TSC1: variants seen among roughly 807,000 people sequenced by gnomAD.
TSC1 encodes TSC complex subunit 1.
In TSC1, 20 loss-of-function variants were observed where a neutral mutation model predicts 124.3. The ratio of observed to expected loss-of-function variants is 0.16; its 90% CI spans 0.11 to 0.23. The LOEUF is 0.23. TSC1 is among the 10% of genes least tolerant of loss of function. The probability of loss-of-function intolerance (pLI) is 1.00; values close to 1 mark genes in which losing one functional copy is unlikely to be tolerated. For synonymous variants in TSC1, 493 were observed against 539.1 expected, an observed-to-expected ratio of 0.91 and a Z score of 1.19; for missense variants, 1,124 against 1,448.5, an observed-to-expected ratio of 0.78 and a Z score of 3.64.
At chr9:132,915,616 GGTTA>G (rs1386756728) in intron 8 of TSC1, among the ~76,000 whole-genome samples, 2 of 152,134 alleles carry the variant, frequency 1.3e-5, no homozygotes, top group Non-Finnish European at 1.5e-5. Context: ...TTTCTAAGGT[GGTTA>G]GTAACTCCAT....
intron 12 of TSC1, among the ~76,000 whole-genome samples, chr9:132,908,245 T>TA (rs1258433056): frequency 6.6e-6 from 1 of 152,194 alleles, no homozygotes; most frequent in Non-Finnish European, 1.5e-5. Context: ...ATATTCTTAT[T>TA]AAAAAACTAT....
In TSC1 at chr9:132,921,071, T is replaced by A. The variant is rs1333433250; in HGVS notation, c.737+292A>T. ...TGCAGTCCCCTTGTTTTTAGCCATATGCTTCACCTCCTGCATCGCCCCATC... is the reference window on the plus strand; with the variant it reads ...TGCAGTCCCCTTGTTTTTAGCCATAAGCTTCACCTCCTGCATCGCCCCATC... On this transcript the variant is annotated intron_variant, in intron 8 of 22. Transcript: ENST00000298552. The surrounding 1 kb of genome is among the most constrained non-coding windows in gnomAD (Gnocchi z 4.3). Among the ~76,000 whole-genome samples, 1 of 152,126 alleles carries A rather than the reference T, an allele frequency of 6.6e-6. No individual in the cohort carries two copies. The highest frequency in any genetic ancestry group is 6.5e-5 in the Admixed American group (1 of 15,282).
chr9:132,902,535 C>A lies in TSC1; in HGVS notation c.2391+70G>T, dbSNP rs1845436342. On this transcript the variant is annotated intron_variant, in intron 18 of 22. Transcript: ENST00000298552. The surrounding 1 kb of genome is among the most constrained non-coding windows in gnomAD (Gnocchi z 5.2). ...AACAAGTCAAGGACACCCAGGGAAACTGACTGCCTCCCTCCCCACTGCTCT... is the reference window on the plus strand; with the variant it reads ...AACAAGTCAAGGACACCCAGGGAAAATGACTGCCTCCCTCCCCACTGCTCT... 5 of 1,586,824 alleles carry A rather than the reference C, an allele frequency of 3.2e-6. No homozygotes were observed. Among genetic ancestry groups the A allele is most frequent in the Non-Finnish European group, 4.3e-6 (5 of 1,157,308 alleles).
rs886063565 is a variant in TSC1 at position 132,891,720 on chromosome 9, C to T, written c.*4515G>A. ...TATGTCTTAGCAAAATCTGTTCCTC[C>T]GTAATATATTTGTGGTCCATAGAAG... On this transcript the variant is annotated 3_prime_UTR_variant, in exon 23 of 23. Transcript: ENST00000298552. The T allele has an allele frequency of 3.0e-5, 7 of 233,524 alleles. No individual in the cohort carries two copies. The highest frequency in any genetic ancestry group is 1.7e-4 in the Admixed American group (3 of 17,772). 14.5% of individuals were successfully genotyped at this position (233,524 alleles called of 1,614,324 possible). A position where few individuals can be genotyped will look rare whatever the true frequency, so the allele number is the denominator to read the frequency against.
intron 3 of TSC1, 137 bp downstream of exon 3, chr9:132,928,630 C>T: frequency 1.9e-6 from 2 of 1,070,394 alleles, no homozygotes; most frequent in Non-Finnish European, 2.7e-6. Flanking sequence ...GTTTAAAACA[C>T]ATATAGATAC....
chr9:132,939,581 A>G, intron 1 of TSC1, among the ~76,000 whole-genome samples: 1 of 152,248 alleles, frequency 6.6e-6, no homozygotes, highest in East Asian at 1.9e-4. Context: ...TATCTCTTCA[A>G]TAAATAATGC....
chr9:132,933,971 C>A (rs1269817681), intron 2 of TSC1, among the ~76,000 whole-genome samples: 1 of 152,134 alleles, frequency 6.6e-6, no homozygotes, highest in East Asian at 1.9e-4. Context: ...AAATCAAACT[C>A]AGAAAACTTT....
chr9:132,906,861 G>T lies in TSC1; in HGVS notation c.1334-26C>A, dbSNP rs760180570. 1 of 1,583,636 alleles carries T rather than the reference G, an allele frequency of 6.3e-7. No homozygotes were observed. Among genetic ancestry groups the T allele is most frequent in the South Asian group, 1.1e-5 (1 of 90,362 alleles). ...CTGAAGAGAAACAAAGACAACTGAA[G>T]TCAAAGAAATACAGTGTAATCCCTG... On this transcript the variant is annotated intron_variant, in intron 13 of 22. Transcript: ENST00000298552. This position sits in a 1 kb window ranked among gnomAD's most constrained non-coding sequence, Gnocchi z 4.1.
At chr9:132,898,481 G>A (rs144464626) in intron 20 of TSC1, among the ~76,000 whole-genome samples, 429 of 152,284 alleles carry the variant, frequency 2.8e-3, no homozygotes, top group Non-Finnish European at 4.1e-3. Flanking sequence ...TCACGAAGGC[G>A]CCCTGCCTTG....
chr9:132,924,225 T>C (rs546397598), intron 5 of TSC1, among the ~76,000 whole-genome samples: 1 of 152,366 alleles, frequency 6.6e-6, no homozygotes, highest in African/African-American at 2.4e-5. Flanking sequence ...CATGAATGTT[T>C]GCCAGGTAGA....
chr9:132,941,958 T>C (rs1339924372), intron 1 of TSC1: 1 of 152,240 alleles, frequency 6.6e-6, no homozygotes. Flanking sequence ...GGTCAAAAGC[T>C]ATCTGACTCT....
chr9:132,936,730 A>G (rs1588378153), intron 1 of TSC1, among the ~76,000 whole-genome samples: 1 of 152,324 alleles, frequency 6.6e-6, no homozygotes, highest in East Asian at 1.9e-4. Flanking sequence ...GGCACCTGGC[A>G]CACAAGAGGC....
chr9:132,914,042 G>A (rs934476536), intron 8 of TSC1, among the ~76,000 whole-genome samples: 4 of 151,312 alleles, frequency 2.6e-5, no homozygotes, highest in Non-Finnish European at 4.4e-5. Flanking sequence ...GGGATTCCAG[G>A]TGCCCGCCAC....
In TSC1 at chr9:132,891,857, T is replaced by C; in HGVS notation, c.*4378A>G. On this transcript the variant is annotated 3_prime_UTR_variant, in exon 23 of 23. Transcript: ENST00000298552. ...GCACCATACCCTCCTGTCCAAACAC[T>C]GTAAGAGGTGGGGAAAGGGAGGGAA... The C allele has an allele frequency of 4.3e-6, 1 of 233,594 alleles. No individual in the cohort carries two copies. Among genetic ancestry groups the C allele is most frequent in the East Asian group, 6.0e-5 (1 of 16,580 alleles). 14.5% of individuals were successfully genotyped at this position (233,594 alleles called of 1,614,324 possible). A position where few individuals can be genotyped will look rare whatever the true frequency, so the allele number is the denominator to read the frequency against.
Position 132,896,580 on chromosome 9 carries a change from T to C in TSC1, c.3150A>G (p.Lys1050=), listed in dbSNP as rs1588287298. 1 of 1,613,000 alleles carries C rather than the reference T, an allele frequency of 6.2e-7. No individual in the cohort carries two copies. Among genetic ancestry groups the C allele is most frequent in the South Asian group, 1.1e-5 (1 of 91,002 alleles). The stretch of plus-strand genomic sequence containing the variant: ...ATGGGCCTGCCCTCTGGTGTGGGGG[T>C]TTCTCTGGGGTAGAAAGCTCGCTGC... ...SSSSELSTPE[K]PPHQRAGPFS... The change falls in exon 23 of 23, where the codon AAA becomes AAG. Residue 1050 remains lysine, a synonymous_variant. Coordinates refer to ENST00000298552, the MANE Select transcript of TSC1 (RefSeq NM_000368.5). This position sits in a 1 kb window ranked among gnomAD's most constrained non-coding sequence, Gnocchi z 4.5.
chr9:132,929,380 CT>C (rs1847080547), intron 2 of TSC1, among the ~76,000 whole-genome samples: 1 of 152,196 alleles, frequency 6.6e-6, no homozygotes, highest in Non-Finnish European at 1.5e-5. Flanking sequence ...TCATCAATGG[CT>C]AAGAGTTAGT....
chr9:132,892,599 C>A lies in TSC1; in HGVS notation c.*3636G>T. ...TGGCCGGGTCTTCGCTCTGCCCAAA[C>A]CCTCCTCCAGCCTGTGCAGGCCTCC... On this transcript the variant is annotated 3_prime_UTR_variant, in exon 23 of 23. Transcript: ENST00000298552. 4.3e-6 allele frequency: 1 copy of A among 233,410 alleles called. No homozygotes were observed. Among genetic ancestry groups the A allele is most frequent in the Non-Finnish European group, 8.5e-6 (1 of 118,116 alleles). The allele number at this position is 233,410 out of a possible 1,614,324, so 14.5% of individuals were successfully genotyped here.
At position 132,891,572 on chromosome 9, in the gene TSC1, ACTTT is replaced by A. The variant is rs1269562308; in HGVS notation, c.*4659_*4662del. 4.3e-6 allele frequency: 1 copy of A among 233,454 alleles called. No homozygotes were observed. The highest frequency in any genetic ancestry group is 8.5e-6 in the Non-Finnish European group (1 of 118,004). 14.5% of individuals were successfully genotyped at this position (233,454 alleles called of 1,614,324 possible). A position where few individuals can be genotyped will look rare whatever the true frequency, so the allele number is the denominator to read the frequency against. On this transcript the variant is annotated 3_prime_UTR_variant, in exon 23 of 23. Transcript: ENST00000298552. ...AGTTTAGACCTTTTGACAAGAGCTG[ACTTT>A]CTTCAATTTAACTAAAAGCAGTCCG...
In TSC1 at chr9:132,918,897, A is replaced by G. The variant is rs116547955; in HGVS notation, c.737+2466T>C. 1.2e-3 allele frequency among the ~76,000 whole-genome samples: 176 copies of G among 152,364 alleles called. 1 individual carries two copies. Among genetic ancestry groups the G allele is most frequent in the African/African-American group, 4.1e-3 (170 of 41,586 alleles). On this transcript the variant is annotated intron_variant, in intron 8 of 22. Transcript: ENST00000298552. ...AGGCCTCAAAGATTTAAAAAGAATA[A>G]CACAAAACCGAAAAGAAGGAAGCTT...
Sources: gnomAD v4.1 joint callset for allele counts (sites outside exome capture counted in the v4.1 genomes callset) on GRCh38, gnomAD v4.1.1 for gene constraint, Gnocchi (gnomAD v3.1) non-coding constraint, MANE v1.5 for transcripts, NCBI Gene and HGNC (gene_info 2026-07-23, HGNC 2026-07-21) for gene names.